Variants in DIAPH2 observed in about 807,000 individuals in gnomAD.
DIAPH2 encodes protein diaphanous homolog 2.
A neutral mutation model predicts 92.7 loss-of-function variants in DIAPH2; 35 were observed. The observed-to-expected ratio is 0.38, with a 90% confidence interval of 0.29 to 0.50. The LOEUF is 0.50. Among genes scored for constraint, DIAPH2 ranks in the 20% least tolerant of loss-of-function variants. DIAPH2 has a pLI of 0.94. For missense variants in DIAPH2, 701 were observed against 819.5 expected (o/e 0.86, Z 1.77); for synonymous variants, 301 against 280.4 (o/e 1.07, Z -0.73).
At chrX:97,350,493 G>A (rs752778258) in intron 24 of DIAPH2, among the ~76,000 whole-genome samples, 180 of 111,003 alleles carry the variant, frequency 1.6e-3, no homozygotes, top group African/African-American at 5.7e-3. Context: ...GTTACAGCCT[G>A]TGTGTACTCA....
At chrX:96,871,904 A>G (rs1225481104) in intron 4 of DIAPH2, among the ~76,000 whole-genome samples, 1 of 112,079 alleles carries the variant, frequency 8.9e-6, no homozygotes, top group Non-Finnish European at 1.9e-5. Context: ...ACTGTATGGC[A>G]ATAAACAGGT....
chrX:96,862,843 A>G (rs1364008077), intron 4 of DIAPH2, among the ~76,000 whole-genome samples: 1 of 111,556 alleles, frequency 9.0e-6, no homozygotes, highest in Non-Finnish European at 1.9e-5. Context: ...AGAATCCTGG[A>G]CTGTAAACTT....
At chrX:96,801,752 AAAT>A (rs1270141220) in intron 4 of DIAPH2, among the ~76,000 whole-genome samples, 5 of 111,828 alleles carry the variant, frequency 4.5e-5, no homozygotes, top group Non-Finnish European at 5.6e-5. Flanking sequence ...TATATTTCTA[AAAT>A]AATAATCTTG....
chrX:97,163,792 G>A (rs138445969), intron 22 of DIAPH2, among the ~76,000 whole-genome samples: 2 of 111,914 alleles, frequency 1.8e-5, no homozygotes, highest in Non-Finnish European at 3.8e-5. Flanking sequence ...GTTGCCTTTA[G>A]CTCCCTAACA....
At chrX:97,522,985 A>G (rs773913879) in intron 26 of DIAPH2, among the ~76,000 whole-genome samples, 1 of 112,011 alleles carries the variant, frequency 8.9e-6, no homozygotes, top group South Asian at 3.8e-4. Context: ...GGGCTTGCCT[A>G]CTTTATTATC....
intron 23 of DIAPH2, among the ~76,000 whole-genome samples, chrX:97,321,840 C>T (rs565884840): frequency 9.0e-5 from 10 of 111,584 alleles, no homozygotes; most frequent in African/African-American, 2.6e-4. Flanking sequence ...TGAGCCACCG[C>T]GCCCGGCCAT....
intron 13 of DIAPH2, among the ~76,000 whole-genome samples, chrX:96,942,867 T>C (rs753458298): frequency 9.0e-6 from 1 of 110,535 alleles, no homozygotes; most frequent in Non-Finnish European, 1.9e-5. Flanking sequence ...TCATTTGTCT[T>C]ATATTTAAAG....
At chrX:96,852,243 C>A (rs1338555913) in intron 4 of DIAPH2, among the ~76,000 whole-genome samples, 2 of 112,099 alleles carry the variant, frequency 1.8e-5, no homozygotes, top group Non-Finnish European at 3.8e-5. Context: ...AGGCACTGAA[C>A]GTTTCAAAGA....
At chrX:96,971,831 G>C (rs183345430) in intron 17 of DIAPH2, among the ~76,000 whole-genome samples, 96 of 111,395 alleles carry the variant, frequency 8.6e-4, no homozygotes, top group African/African-American at 3.0e-3. Flanking sequence ...ATGCATCATA[G>C]CCTATTTCAG....
chrX:96,756,400 T>C (rs2064229570), intron 3 of DIAPH2, among the ~76,000 whole-genome samples: 1 of 112,038 alleles, frequency 8.9e-6, no homozygotes, highest in Non-Finnish European at 1.9e-5. Flanking sequence ...TTTATAATGC[T>C]TCTTTCACTT....
chrX:96,719,829 T>C (rs1273579291), intron 1 of DIAPH2, among the ~76,000 whole-genome samples: 1 of 112,382 alleles, frequency 8.9e-6, no homozygotes, highest in African/African-American at 3.2e-5. Flanking sequence ...AAGAATGTCA[T>C]TGGTATTTTG....
intron 24 of DIAPH2, among the ~76,000 whole-genome samples, chrX:97,349,050 A>G (rs772513368): frequency 2.0e-5 from 2 of 98,581 alleles, no homozygotes; most frequent in African/African-American, 7.7e-5. Flanking sequence ...ATATATGTGT[A>G]TTTATATATG....
At chrX:96,697,300 C>T (rs1034875848) in intron 1 of DIAPH2, among the ~76,000 whole-genome samples, 11 of 108,619 alleles carry the variant, frequency 1.0e-4, no homozygotes, top group Non-Finnish European at 1.9e-4. Context: ...AAAACGTCTC[C>T]AAGCAGATGA....
chrX:97,093,953 A>G, intron 19 of DIAPH2, among the ~76,000 whole-genome samples: 1 of 112,073 alleles, frequency 8.9e-6, no homozygotes, highest in Non-Finnish European at 1.9e-5. Context: ...GAAGGGTTGA[A>G]CCTGAAAGAG....
At chrX:96,948,746 T>C (rs1280622839) in intron 14 of DIAPH2, among the ~76,000 whole-genome samples, 189 bp from the exon 15 acceptor site, 1 of 111,226 alleles carries the variant, frequency 9.0e-6, no homozygotes, top group Non-Finnish European at 1.9e-5. Context: ...GTAGGGGGCA[T>C]ATTTCTTCTT....
intron 25 of DIAPH2, among the ~76,000 whole-genome samples, chrX:97,396,533 A>G (rs61263318): frequency 0.018 from 1,973 of 110,686 alleles, 40 homozygotes; most frequent in African/African-American, 0.061. Context: ...TTAGCTGGGT[A>G]TGGTGGCGGA....
chrX:97,171,639 T>C (rs895045089), intron 22 of DIAPH2, among the ~76,000 whole-genome samples: 2 of 112,192 alleles, frequency 1.8e-5, no homozygotes, highest in Admixed American at 1.9e-4. Context: ...GCAGCAGTTT[T>C]TTAAATAAGA....
chrX:96,825,139 A>G (rs1472080733), intron 4 of DIAPH2, among the ~76,000 whole-genome samples: 48 of 102,525 alleles, frequency 4.7e-4, no homozygotes, highest in Non-Finnish European at 8.1e-4. Context: ...TTTTTTTAGT[A>G]CATATGGGGT....
At chrX:97,181,057 TTTGTTG>T (rs764200751) in intron 22 of DIAPH2, among the ~76,000 whole-genome samples, 3 of 110,377 alleles carry the variant, frequency 2.7e-5, no homozygotes, top group African/African-American at 9.9e-5. Context: ...CAATGGCAGT[TTTGTTG>T]TTGTTGTTGT....
Sources: allele counts gnomAD v4.1 joint callset (sites outside exome capture counted in the v4.1 genomes callset), GRCh38; gene constraint gnomAD v4.1.1; transcripts MANE v1.5; gene names NCBI Gene and HGNC (gene_info 2026-07-23, HGNC 2026-07-21).